VIP: variants seen among roughly 807,000 people sequenced by gnomAD.
VIP encodes vasoactive intestinal peptide.
VIP carries 18 observed loss-of-function variants against 20.1 expected under a neutral mutation model. The observed-to-expected ratio is 0.90, with a 90% CI of 0.62 to 1.33. The LOEUF (loss-of-function observed/expected upper bound fraction) is 1.33, where lower values mean the gene tolerates loss of function less well. Among genes scored for constraint, VIP ranks in the 40% most tolerant of loss-of-function variants. The probability of loss-of-function intolerance (pLI) is 0.00; values close to 1 mark genes in which losing one functional copy is unlikely to be tolerated. For synonymous variants in VIP, 70 were observed against 68.1 expected (o/e 1.03, Z -0.14); for missense variants, 209 against 199.4 (o/e 1.05, Z -0.29).
intron 3 of VIP, 71 bp downstream of exon 3, chr6:152,754,359 C>A (rs2099730093): frequency 7.1e-7 from 1 of 1,399,650 alleles, no homozygotes; most frequent in Non-Finnish European, 9.7e-7. Flanking sequence ...TATAAACGTG[C>A]TTATTTTATC....
rs1459807293 is a variant in VIP, at chr6:152,752,256, C to T, written c.79C>T (p.Pro27Ser). 6.2e-7 allele frequency: 1 copy of T among 1,613,406 alleles called. No individual in the cohort carries two copies. Residue 27 changes from proline to serine, a missense_variant, in exon 2 of 7, where the codon CCT (proline) becomes TCT (serine). Pro to Ser is a moderately conservative substitution (Grantham distance 74). Coordinates refer to ENST00000367244, the MANE Select transcript of VIP (RefSeq NM_003381.4). ...GCTCTTCTCACAGACTTCGGCATGGCCTCTTTACAGGGCACCTTCTGCTCT... is the reference window on the plus strand; with the variant it reads ...GCTCTTCTCACAGACTTCGGCATGGTCTCTTTACAGGGCACCTTCTGCTCT... The part of the protein sequence containing the change: ...SVLFSQTSAW[P>S]LYRAPSALRL...
chr6:152,753,064 A>T (rs7764067), intron 2 of VIP, among the ~76,000 whole-genome samples: 35,184 of 152,026 alleles, frequency 0.23, 5,641 homozygotes, highest in African/African-American at 0.46. Context: ...TTTGCTTATT[A>T]GGTCATTCTT....
At chr6:152,755,778 C>T (rs755061907) in intron 4 of VIP, among the ~76,000 whole-genome samples, 17 of 151,420 alleles carry the variant, frequency 1.1e-4, no homozygotes, top group Non-Finnish European at 2.1e-4. Flanking sequence ...GATGACGTTG[C>T]TCAGGGTAGC....
intron 6 of VIP, 111 bp downstream of exon 6, chr6:152,757,295 G>A (rs931230158): frequency 2.1e-5 from 14 of 675,476 alleles, no homozygotes; most frequent in Middle Eastern, 2.7e-4. Flanking sequence ...TTCTCATCAT[G>A]AGACCTCATC....
chr6:152,758,759 G>A (rs1200198102), intron 6 of VIP, among the ~76,000 whole-genome samples, 151 bp from the exon 7 acceptor site: 3 of 151,978 alleles, frequency 2.0e-5, no homozygotes, highest in Non-Finnish European at 2.9e-5. Context: ...TGCTCTCTTG[G>A]TATGTCCCAG....
chr6:152,752,689 A>G (rs80249219), intron 2 of VIP, among the ~76,000 whole-genome samples: 3,326 of 152,246 alleles, frequency 0.022, 139 homozygotes, highest in African/African-American at 0.076. Context: ...TAATCAGTAA[A>G]TAATCATAAG....
chr6:152,756,471 T>C (rs898881358), intron 5 of VIP, among the ~76,000 whole-genome samples: 1 of 151,982 alleles, frequency 6.6e-6, no homozygotes, highest in Non-Finnish European at 1.5e-5. Context: ...AGGAAATCGG[T>C]GTCTTCGGTG....
chr6:152,755,569 A>G (rs1252752449), intron 4 of VIP, among the ~76,000 whole-genome samples, 196 bp downstream of exon 4: 1 of 151,938 alleles, frequency 6.6e-6, no homozygotes, highest in Non-Finnish European at 1.5e-5. Flanking sequence ...TCATAATATC[A>G]TATTCATTGA....
chr6:152,755,013 A>G lies in VIP; in HGVS notation c.231-256A>G, dbSNP rs111628374. ...AGTTATAAAGATTCAACCATGGAGG[A>G]ATATTGAAATGTGCTCCTAGAAATG... On this transcript the variant is annotated intron_variant, in intron 3 of 6. Coordinates refer to ENST00000367244, the MANE Select transcript of VIP (RefSeq NM_003381.4). Among the ~76,000 whole-genome samples, 76 of 152,078 alleles carry G rather than the reference A, an allele frequency of 5.0e-4. 1 individual carries two copies. Among genetic ancestry groups the G allele is most frequent in the African/African-American group, 1.8e-3 (75 of 41,544 alleles).
chr6:152,758,228 C>T (rs2099730715), intron 6 of VIP, among the ~76,000 whole-genome samples: 1 of 151,942 alleles, frequency 6.6e-6, no homozygotes, highest in African/African-American at 2.4e-5. Flanking sequence ...AATTCATGGC[C>T]TTACCTCAGT....
chr6:152,754,433 C>A, intron 3 of VIP, 145 bp downstream of exon 3: 1 of 745,440 alleles, frequency 1.3e-6, no homozygotes, highest in Non-Finnish European at 2.1e-6. Flanking sequence ...CTTCATTCAT[C>A]CTGATTTACT....
At chr6:152,751,903 T>C (rs965492804) in intron 1 of VIP, among the ~76,000 whole-genome samples, 1 of 152,128 alleles carries the variant, frequency 6.6e-6, no homozygotes, top group Admixed American at 6.6e-5. Context: ...TCCAGCACTA[T>C]AGAAGTATGG....
intron 6 of VIP, among the ~76,000 whole-genome samples, chr6:152,758,640 A>G (rs1393509310): frequency 3.9e-5 from 6 of 151,966 alleles, no homozygotes; most frequent in African/African-American, 7.2e-5. Context: ...TTGAAGAGGA[A>G]ATCATGTGGG....
chr6:152,751,369 TC>T (rs1208082533), intron 1 of VIP, among the ~76,000 whole-genome samples: 4 of 152,138 alleles, frequency 2.6e-5, no homozygotes, highest in Non-Finnish European at 5.9e-5. Context: ...ATTTATTTTT[TC>T]CTTAAGTTTA....
In VIP at chr6:152,757,153, T is replaced by G; in HGVS notation, c.*12T>G. ...AGTTAGAAAAATGATGAAAAAGACC[T>G]TTGGAGCAAAGCTGATGACAACTTC... On this transcript the variant is annotated 3_prime_UTR_variant, in exon 6 of 7. Coordinates refer to ENST00000367244, the MANE Select transcript of VIP (RefSeq NM_003381.4). The G allele has an allele frequency of 6.2e-7, 1 of 1,611,082 alleles. No individual in the cohort carries two copies. Among genetic ancestry groups the G allele is most frequent in the South Asian group, 1.1e-5 (1 of 90,834 alleles).
chr6:152,753,058 C>T lies in VIP; in HGVS notation c.107+774C>T, dbSNP rs940331366. Among the ~76,000 whole-genome samples the T allele has an allele frequency of 1.1e-3, 166 of 152,172 alleles. 3 individuals are homozygous for T. The highest frequency in any genetic ancestry group is 3.2e-4 in the Non-Finnish European group (22 of 67,982). On this transcript the variant is annotated intron_variant, in intron 2 of 6. Coordinates refer to ENST00000367244, the MANE Select transcript of VIP (RefSeq NM_003381.4). ...ATAATTGGGTTGGTTTCCTTCTTTGCTTATTAGGTCATTCTTGATTTTTTG... is the reference window on the plus strand; with the variant it reads ...ATAATTGGGTTGGTTTCCTTCTTTGTTTATTAGGTCATTCTTGATTTTTTG...
chr6:152,752,157 T>C lies in VIP; in HGVS notation c.-10-11T>C, dbSNP rs1385554825. 1.2e-6 allele frequency: 2 copies of C among 1,602,976 alleles called. No individual in the cohort carries two copies. The highest frequency in any genetic ancestry group is 2.2e-5 in the South Asian group (2 of 90,706). Reference sequence around the variant, plus strand: ...TTGGCTGGAAGAACTGAGGTGATTCTCTCTCTTTAGAGGCACAGAAATGGA... The same window carrying C: ...TTGGCTGGAAGAACTGAGGTGATTCCCTCTCTTTAGAGGCACAGAAATGGA... On this transcript the variant is annotated splice_polypyrimidine_tract_variant and intron_variant, in intron 1 of 6. Transcript: ENST00000367244.
chr6:152,758,089 G>A (rs1430045034), intron 6 of VIP, among the ~76,000 whole-genome samples: 2 of 151,990 alleles, frequency 1.3e-5, no homozygotes, highest in African/African-American at 4.8e-5. Flanking sequence ...AGCAGCCACA[G>A]TTAGATGTAA....
intron 6 of VIP, among the ~76,000 whole-genome samples, chr6:152,757,479 AAC>A (rs2099730610): frequency 2.6e-5 from 4 of 152,050 alleles, no homozygotes; most frequent in Admixed American, 2.6e-4. Flanking sequence ...AAGATAAAAA[AAC>A]AGAGGAGGCT....
Sources: allele counts gnomAD v4.1 joint callset (sites outside exome capture counted in the v4.1 genomes callset), GRCh38; gene constraint gnomAD v4.1.1; transcripts MANE v1.5; gene names NCBI Gene and HGNC (gene_info 2026-07-23, HGNC 2026-07-21).